The following COMMD10 variants were observed in gnomAD, a reference collection of about 807,000 sequenced individuals.
The protein encoded by COMMD10 is COMM domain containing 10, also known as COMM domain-containing protein 10.
Under a neutral mutation model 28.9 loss-of-function variants are expected in COMMD10, and 33 were observed. The ratio of observed to expected loss-of-function variants is 1.14; its 90% CI spans 0.87 to 1.53. COMMD10 has a LOEUF of 1.53. Among genes scored for constraint, COMMD10 ranks in the 40% most tolerant of loss-of-function variants. COMMD10 has a pLI of 0.00. For missense variants in COMMD10, 310 were observed against 233.4 expected (o/e 1.33, Z -2.14); for synonymous variants, 110 against 81.7 (o/e 1.35, Z -1.87).
At chr5:116,165,260 G>T (rs553944088) in intron 5 of COMMD10, among the ~76,000 whole-genome samples, 90 of 152,108 alleles carry the variant, frequency 5.9e-4, no homozygotes, top group Admixed American at 5.8e-3. Flanking sequence ...CCCCTTAATC[G>T]AGTTCTCCTG....
intron 5 of COMMD10, among the ~76,000 whole-genome samples, chr5:116,142,398 T>A (rs1411104969): frequency 6.6e-6 from 1 of 151,806 alleles, no homozygotes; most frequent in Non-Finnish European, 1.5e-5. Context: ...AGTAAACCTT[T>A]ATGCATTATG....
At chr5:116,104,642 C>T (rs540775988) in intron 4 of COMMD10, among the ~76,000 whole-genome samples, 37 of 149,990 alleles carry the variant, frequency 2.5e-4, no homozygotes, top group African/African-American at 8.1e-4. Flanking sequence ...TTTTTTGAGA[C>T]GGAGTCTCAC....
At chr5:116,192,691 A>G (rs1748401056) in intron 5 of COMMD10, among the ~76,000 whole-genome samples, 1 of 152,246 alleles carries the variant, frequency 6.6e-6, no homozygotes, top group African/African-American at 2.4e-5. Flanking sequence ...ACCTAAGAAT[A>G]ATCAGTATTA....
At position 116,265,601 on chromosome 5, in the gene COMMD10, A is replaced by G. The variant is rs564384052; in HGVS notation, c.511-25916A>G. 1.3e-3 allele frequency among the ~76,000 whole-genome samples: 193 copies of G among 151,880 alleles called. 1 individual carries two copies. Among genetic ancestry groups the G allele is most frequent in the Non-Finnish European group, 1.8e-3 (119 of 67,980 alleles). The stretch of plus-strand genomic sequence containing the variant: ...AAAAAATTCAAGTTAACAAGCATTT[A>G]TTAAACATCTGTTGTATTCAAGGCC... On this transcript the variant is annotated intron_variant, in intron 5 of 6. Transcript: ENST00000274458.
chr5:116,274,030 C>A (rs991080750), intron 5 of COMMD10, among the ~76,000 whole-genome samples: 2 of 151,096 alleles, frequency 1.3e-5, no homozygotes, highest in African/African-American at 4.9e-5. Flanking sequence ...TTTTATTTAC[C>A]CAAAGATATG....
chr5:116,223,488 G>A (rs546481053), intron 5 of COMMD10, among the ~76,000 whole-genome samples: 24 of 152,190 alleles, frequency 1.6e-4, no homozygotes, highest in Admixed American at 5.9e-4. Context: ...ACACATCCTG[G>A]TCAATGAAAC....
At chr5:116,245,826 A>G (rs1385651014) in intron 5 of COMMD10, among the ~76,000 whole-genome samples, 2 of 152,030 alleles carry the variant, frequency 1.3e-5, no homozygotes, top group Admixed American at 6.6e-5. Flanking sequence ...TAGGTATTGA[A>G]GGAACATACT....
chr5:116,222,940 C>T (rs1749301411), intron 5 of COMMD10, among the ~76,000 whole-genome samples: 1 of 152,156 alleles, frequency 6.6e-6, no homozygotes, highest in African/African-American at 2.4e-5. Flanking sequence ...ATCCACCCAC[C>T]TCAGCCTCCA....
intron 5 of COMMD10, among the ~76,000 whole-genome samples, chr5:116,167,033 G>A (rs1049531220): frequency 6.6e-6 from 1 of 151,958 alleles, no homozygotes; most frequent in African/African-American, 2.4e-5. Flanking sequence ...TTCAGAAAAT[G>A]GGTTATAACA....
At chr5:116,126,922 GA>G (rs1751669079) in intron 4 of COMMD10, among the ~76,000 whole-genome samples, 1 of 152,008 alleles carries the variant, frequency 6.6e-6, no homozygotes, top group Non-Finnish European at 1.5e-5. Context: ...AAAATTGACT[GA>G]TGGGATCTAA....
intron 5 of COMMD10, among the ~76,000 whole-genome samples, chr5:116,134,633 T>C (rs956500784): frequency 6.6e-6 from 1 of 152,048 alleles, no homozygotes; most frequent in Admixed American, 6.6e-5. Flanking sequence ...AATTTATTTA[T>C]TTTTTTTGAG....
chr5:116,088,478 T>C (rs1263406698), intron 2 of COMMD10, among the ~76,000 whole-genome samples: 1 of 152,244 alleles, frequency 6.6e-6, no homozygotes, highest in Non-Finnish European at 1.5e-5. Context: ...GTATTATATT[T>C]TTTACAGTGT....
chr5:116,270,680 T>C (rs1157678317), intron 5 of COMMD10, among the ~76,000 whole-genome samples: 4 of 151,774 alleles, frequency 2.6e-5, no homozygotes, highest in Admixed American at 2.0e-4. Context: ...CTCACACCTG[T>C]AATCCCAGCA....
At chr5:116,150,789 CAT>C (rs1247039642) in intron 5 of COMMD10, among the ~76,000 whole-genome samples, 1 of 119,290 alleles carries the variant, frequency 8.4e-6, no homozygotes, top group Non-Finnish European at 1.8e-5. Context: ...GATATACAAT[CAT>C]GTCATCTGCA....
In COMMD10 at chr5:116,212,774, A is replaced by G. The variant is rs368562933; in HGVS notation, c.510+78596A>G. 9.3e-4 allele frequency among the ~76,000 whole-genome samples: 141 copies of G among 152,264 alleles called. 2 individuals are homozygous for G. The South Asian group carries it at 0.027, about 30-fold the overall frequency. On this transcript the variant is annotated intron_variant, in intron 5 of 6. Transcript: ENST00000274458. ...TAGTGGTATATAACTTAGTACAAAC[A>G]TCGAAGGCTATCAGAAAATGTATGT...
chr5:116,201,659 C>G (rs75652068), intron 5 of COMMD10, among the ~76,000 whole-genome samples: 6 of 152,094 alleles, frequency 3.9e-5, no homozygotes, highest in African/African-American at 1.2e-4. Context: ...TGGTGACTTC[C>G]AAGCTTCTTA....
At chr5:116,197,064 T>C (rs1396923687) in intron 5 of COMMD10, among the ~76,000 whole-genome samples, 1 of 151,844 alleles carries the variant, frequency 6.6e-6, no homozygotes, top group Non-Finnish European at 1.5e-5. Context: ...CTTTAGTGTT[T>C]CTGTCCGTTA....
intron 5 of COMMD10, among the ~76,000 whole-genome samples, chr5:116,203,419 AC>A (rs1748724440): frequency 1.3e-5 from 2 of 152,122 alleles, no homozygotes; most frequent in South Asian, 4.2e-4. Flanking sequence ...GAGAAGAGCA[AC>A]TCCGAGACAC....
intron 5 of COMMD10, among the ~76,000 whole-genome samples, chr5:116,168,069 G>C (rs1753191559): frequency 6.7e-6 from 1 of 149,678 alleles, no homozygotes; most frequent in East Asian, 2.0e-4. Context: ...CCATTGGTGT[G>C]CTGTATTCAG....
Sources: allele counts gnomAD v4.1 joint callset (sites outside exome capture counted in the v4.1 genomes callset), GRCh38; gene constraint gnomAD v4.1.1; transcripts MANE v1.5; gene names NCBI Gene and HGNC (gene_info 2026-07-23, HGNC 2026-07-21).